The following IRAG1 variants were observed in gnomAD, a reference collection of about 807,000 sequenced individuals.
IRAG1 encodes IP3R-associated cGMP kinase substrate.
In IRAG1, 62 loss-of-function variants were observed where a neutral mutation model predicts 106.2. The observed-to-expected ratio is 0.58, with a 90% CI of 0.48 to 0.72. The LOEUF is 0.72. IRAG1 is among the 30% of genes least tolerant of loss of function. The pLI is 0.00. For missense variants in IRAG1, 1,064 were observed against 1,140.7 expected (o/e 0.93, Z 0.97); for synonymous variants, 462 against 443.9 (o/e 1.04, Z -0.51).
rs1851299771 is a variant in IRAG1, at chr11:10,580,700, C to T, written c.2361-111G>A. 3.1e-6 allele frequency: 4 copies of T among 1,304,316 alleles called. No individual in the cohort carries two copies. The South Asian group carries it at 4.4e-5, about 14-fold the overall frequency. 80.8% of individuals were successfully genotyped at this position (1,304,316 alleles called of 1,614,324 possible). On this transcript the variant is annotated intron_variant, in intron 19 of 20. Transcript: ENST00000423302. Reference sequence around the variant, plus strand: ...AGCACCTCCAATAATTATGTGCTTCCTATGGTTCCACAAAACAGGAAAAAG... The same window carrying T: ...AGCACCTCCAATAATTATGTGCTTCTTATGGTTCCACAAAACAGGAAAAAG...
At position 10,670,692 on chromosome 11, in the gene IRAG1, G is replaced by C. The variant is rs114340087; in HGVS notation, c.68-18510C>G. ...TTGGAGACAGGGCCTTTAAAGAGGT[G>C]ATTAAGTTTAAATGAGGCCATTAGA... On this transcript the variant is annotated intron_variant, in intron 1 of 20. Transcript: ENST00000423302. Among the ~76,000 whole-genome samples the C allele has an allele frequency of 5.0e-3, 764 of 152,310 alleles. 10 individuals carry two copies. Among genetic ancestry groups the C allele is most frequent in the African/African-American group, 0.018 (749 of 41,558 alleles).
At chr11:10,692,168 A>G (rs568384401) in intron 1 of IRAG1, among the ~76,000 whole-genome samples, 1 of 150,354 alleles carries the variant, frequency 6.7e-6, no homozygotes, top group South Asian at 2.1e-4. Flanking sequence ...CGCTGTGAAT[A>G]TAAACAGCCA....
intron 1 of IRAG1, among the ~76,000 whole-genome samples, chr11:10,669,579 GCCA>G: frequency 6.6e-6 from 1 of 152,208 alleles, no homozygotes; most frequent in African/African-American, 2.4e-5. Flanking sequence ...ATAAGAAAAT[GCCA>G]TGGTGTGGAA....
intron 18 of IRAG1, among the ~76,000 whole-genome samples, chr11:10,588,215 A>G (rs1262972061): frequency 9.9e-5 from 15 of 152,236 alleles, no homozygotes; most frequent in Admixed American, 9.8e-4. Context: ...TATCATTATC[A>G]TCATTCCTTG....
chr11:10,599,223 T>C (rs1379538587), intron 15 of IRAG1, among the ~76,000 whole-genome samples: 1 of 152,178 alleles, frequency 6.6e-6, no homozygotes, highest in African/African-American at 2.4e-5. Flanking sequence ...TTCCCAAAGG[T>C]TGGGAGCTCC....
At chr11:10,667,141 G>GT (rs1248005015) in intron 1 of IRAG1, among the ~76,000 whole-genome samples, 150 of 137,906 alleles carry the variant, frequency 1.1e-3, no homozygotes, top group Middle Eastern at 7.1e-3. Flanking sequence ...TTTTTTTTTC[G>GT]TTTTTTTGTT....
rs946889575 is a variant in IRAG1, at chr11:10,665,838, C to T, written c.68-13656G>A. 4.6e-5 allele frequency among the ~76,000 whole-genome samples: 7 copies of T among 152,144 alleles called. No homozygotes were observed. The highest frequency in any genetic ancestry group is 1.4e-4 in the African/African-American group (6 of 41,412). The stretch of plus-strand genomic sequence containing the variant: ...TGGTGGGTGTGTACACAAGAAGACA[C>T]GTGATAAAGTAAAAGTGAGCAGTCC... On this transcript the variant is annotated intron_variant, in intron 1 of 20. Coordinates refer to ENST00000423302, the MANE Select transcript of IRAG1 (RefSeq NM_130385.4). The surrounding 1 kb of genome is among the most constrained non-coding windows in gnomAD (Gnocchi z 4.2).
intron 18 of IRAG1, among the ~76,000 whole-genome samples, chr11:10,584,548 A>AATATATATATATATATATATATATAT (rs56768282): frequency 7.1e-5 from 7 of 98,576 alleles, no homozygotes; most frequent in Admixed American, 1.2e-4. Flanking sequence ...TCTTTCATGA[A>AATATATATATATATATATATATATAT]ATATATATAT....
intron 2 of IRAG1, among the ~76,000 whole-genome samples, chr11:10,637,849 G>A (rs1476906546): frequency 6.6e-6 from 1 of 152,162 alleles, no homozygotes; most frequent in Non-Finnish European, 1.5e-5. Flanking sequence ...TGTGTCAAAT[G>A]GCAGGTAGCC....
In IRAG1 at chr11:10,615,215, A is replaced by G. The variant is rs569911278; in HGVS notation, c.1448-5364T>C. On this transcript the variant is annotated intron_variant, in intron 10 of 20. Transcript: ENST00000423302. ...ATCACTGGCCATCAGAGAAATGCAA[A>G]TCAAAACCACAATGAGATACCATCT... Among the ~76,000 whole-genome samples, 735 of 152,356 alleles carry G rather than the reference A, an allele frequency of 4.8e-3. 5 individuals carry two copies. The highest frequency in any genetic ancestry group is 0.016 in the African/African-American group (662 of 41,572).
intron 13 of IRAG1, among the ~76,000 whole-genome samples, chr11:10,603,596 T>C (rs1456583198): frequency 6.6e-6 from 1 of 152,124 alleles, no homozygotes; most frequent in African/African-American, 2.4e-5. Context: ...CATGGTTTGG[T>C]ACCGGTTTGC....
intron 4 of IRAG1, among the ~76,000 whole-genome samples, chr11:10,630,546 T>A (rs1452609742): frequency 2.0e-5 from 3 of 152,050 alleles, no homozygotes; most frequent in Non-Finnish European, 2.9e-5. Flanking sequence ...ACCTAAGAGG[T>A]CCCTGCCCTC....
chr11:10,636,718 C>T (rs1265837208), intron 2 of IRAG1, among the ~76,000 whole-genome samples: 1 of 152,060 alleles, frequency 6.6e-6, no homozygotes, highest in Non-Finnish European at 1.5e-5. Context: ...TGTGAAAGCT[C>T]AGAGGAAGGA....
In IRAG1 at chr11:10,591,542, A is replaced by G; in HGVS notation, c.2240+6T>C. On this transcript the variant is annotated splice_donor_region_variant and intron_variant, in intron 18 of 20. Transcript: ENST00000423302. Reference sequence around the variant, plus strand: ...CTGAAGCCAAGAGGAAAATCGACAAACTTACTTTTCCAAAAGTGCAGGCAG... The same window carrying G: ...CTGAAGCCAAGAGGAAAATCGACAAGCTTACTTTTCCAAAAGTGCAGGCAG... The G allele has an allele frequency of 6.3e-7, 1 of 1,589,248 alleles. No homozygotes were observed. Among genetic ancestry groups the G allele is most frequent in the Non-Finnish European group, 8.6e-7 (1 of 1,167,572 alleles).
At chr11:10,661,264 T>C (rs1276254081) in intron 1 of IRAG1, among the ~76,000 whole-genome samples, 1 of 152,204 alleles carries the variant, frequency 6.6e-6, no homozygotes, top group African/African-American at 2.4e-5. Flanking sequence ...GGCTGCCTTC[T>C]GTCCTCCTTC....
intron 18 of IRAG1, among the ~76,000 whole-genome samples, chr11:10,585,305 G>A (rs1390871577): frequency 2.0e-5 from 3 of 152,022 alleles, no homozygotes; most frequent in African/African-American, 7.2e-5. Context: ...CCCCTATAGG[G>A]CTCTCATATA....
chr11:10,627,308 G>A (rs1856318200), intron 8 of IRAG1, among the ~76,000 whole-genome samples: 1 of 152,066 alleles, frequency 6.6e-6, no homozygotes, highest in South Asian at 2.1e-4. Context: ...GAGCAGGGTG[G>A]GGCGCTTCTG....
At chr11:10,641,044 T>TTCTC (rs149513660) in intron 2 of IRAG1, among the ~76,000 whole-genome samples, 2 of 150,982 alleles carry the variant, frequency 1.3e-5, no homozygotes, top group African/African-American at 4.9e-5. Flanking sequence ...CATAACTGTA[T>TTCTC]TCTCTCTCTC....
intron 10 of IRAG1, among the ~76,000 whole-genome samples, chr11:10,615,998 G>C (rs12576810): frequency 0.4 from 52,259 of 130,146 alleles, 6,955 homozygotes; most frequent in African/African-American, 0.48. Context: ...AATATACTAC[G>C]ATTTATGTTT....
Sources: allele counts gnomAD v4.1 joint callset (sites outside exome capture counted in the v4.1 genomes callset), GRCh38; gene constraint gnomAD v4.1.1; non-coding constraint Gnocchi (gnomAD v3.1); transcripts MANE v1.5; gene names NCBI Gene and HGNC (gene_info 2026-07-23, HGNC 2026-07-21).